KAZN: variants seen among roughly 807,000 people sequenced by gnomAD.
KAZN encodes kazrin, periplakin interacting protein.
A neutral mutation model predicts 87.4 loss-of-function variants in KAZN; 40 were observed. The ratio of observed to expected loss-of-function variants is 0.46; its 90% CI spans 0.36 to 0.60. The LOEUF is 0.60. Among genes scored for constraint, KAZN ranks in the 20% least tolerant of loss-of-function variants. The probability of loss-of-function intolerance (pLI) is 0.00; values close to 1 mark genes in which losing one functional copy is unlikely to be tolerated. For missense variants in KAZN, 898 were observed against 1,073.9 expected (o/e 0.84, Z 2.29); for synonymous variants, 466 against 458.3 (o/e 1.02, Z -0.22).
intron 1 of KAZN, among the ~76,000 whole-genome samples, chr1:14,146,964 C>G (rs1645367409): frequency 6.6e-6 from 1 of 152,074 alleles, no homozygotes; most frequent in African/African-American, 2.4e-5. Flanking sequence ...AACCTCTCCC[C>G]TTCTTTCTCA....
intron 2 of KAZN, among the ~76,000 whole-genome samples, chr1:14,515,355 A>G (rs1217268809): frequency 6.6e-6 from 1 of 152,188 alleles, no homozygotes; most frequent in Non-Finnish European, 1.5e-5. Flanking sequence ...TGTAGGAAAC[A>G]ATCACTGAAT....
chr1:14,535,177 A>G (rs1672415228), intron 2 of KAZN, among the ~76,000 whole-genome samples: 1 of 152,172 alleles, frequency 6.6e-6, no homozygotes, highest in Non-Finnish European at 1.5e-5. Context: ...TGACCTCTTC[A>G]GTATTTCTCT....
At chr1:14,040,337 A>G (rs1641765517) in intron 1 of KAZN, among the ~76,000 whole-genome samples, 1 of 152,156 alleles carries the variant, frequency 6.6e-6, no homozygotes, top group African/African-American at 2.4e-5. Flanking sequence ...AGGAGTCAGT[A>G]TGGGAGCCTT....
rs375384634 is a variant in KAZN, at chr1:14,095,107, C to T, written c.92-85328C>T. ...ACTGTGCAGGATGAATGTTTAGCATCCCTGCCTCTCTGGCCCTGGGTGTGT... is the reference window on the plus strand; with the variant it reads ...ACTGTGCAGGATGAATGTTTAGCATTCCTGCCTCTCTGGCCCTGGGTGTGT... On this transcript the variant is annotated intron_variant, in intron 1 of 16. Coordinates refer to the KAZN transcript ENST00000636203. Among the ~76,000 whole-genome samples the T allele has an allele frequency of 3.3e-5, 5 of 152,302 alleles. No individual in the cohort carries two copies. The East Asian group carries it at 9.7e-4, about 29-fold the overall frequency.
At chr1:14,546,205 CA>C (rs1336010189) in intron 2 of KAZN, among the ~76,000 whole-genome samples, 1 of 152,184 alleles carries the variant, frequency 6.6e-6, no homozygotes, top group East Asian at 1.9e-4. Context: ...TTATTCTTTC[CA>C]ACTACGATAT....
intron 1 of KAZN, among the ~76,000 whole-genome samples, chr1:14,607,263 C>A (rs188245540): frequency 1.2e-4 from 19 of 152,306 alleles, no homozygotes; most frequent in African/African-American, 3.4e-4. Flanking sequence ...ATCCTTTAAA[C>A]CACCTTATGA....
intron 1 of KAZN, among the ~76,000 whole-genome samples, chr1:14,834,774 T>A (rs1212557299): frequency 1.3e-5 from 2 of 152,164 alleles, no homozygotes; most frequent in African/African-American, 4.8e-5. Flanking sequence ...CAGTCAAAAA[T>A]TCCTACCCTG....
rs1641978149 is a variant in KAZN, at chr1:14,702,367, G to GTGTGTGTGTGTGTGTGTGT, written c.226+103144_226+103145insTGTGTGTGTGTGTGTGTGT. ...GTGTGTGTGTGTGTGTGTGTGTGTG[G>GTGTGTGTGTGTGTGTGTGT]ATTTCTCTGTGAAGAGGGTTTGTGG... On this transcript the variant is annotated intron_variant, in intron 1 of 14. Coordinates refer to ENST00000376030, the MANE Select transcript of KAZN (RefSeq NM_201628.3). 7.6e-5 allele frequency among the ~76,000 whole-genome samples: 4 copies of GTGTGTGTGTGTGTGTGTGT among 52,728 alleles called. No individual in the cohort carries two copies. In the South Asian group the frequency reaches 2.0e-3, roughly 26 times the overall value. 34.6% of individuals were successfully genotyped at this position (52,728 alleles called of 152,430 possible).
intron 1 of KAZN, among the ~76,000 whole-genome samples, chr1:14,753,635 C>A (rs763021814): frequency 1.3e-5 from 2 of 152,122 alleles, no homozygotes; most frequent in Non-Finnish European, 2.9e-5. Context: ...AGATCACAAT[C>A]ATTACCAATT....
At chr1:14,764,358 A>G (rs1430040474) in intron 1 of KAZN, among the ~76,000 whole-genome samples, 1 of 148,740 alleles carries the variant, frequency 6.7e-6, no homozygotes, top group African/African-American at 2.5e-5. Context: ...ATTTAAAATT[A>G]CAAACCACTC....
At chr1:13,956,075 A>G (rs1641535716) in intron 1 of KAZN, among the ~76,000 whole-genome samples, 1 of 152,232 alleles carries the variant, frequency 6.6e-6, no homozygotes, top group Middle Eastern at 3.2e-3. Context: ...GGGTGCATTA[A>G]TTAATCCCAA....
At chr1:14,362,376 T>C (rs923004897) in intron 2 of KAZN, among the ~76,000 whole-genome samples, 2 of 152,252 alleles carry the variant, frequency 1.3e-5, no homozygotes, top group East Asian at 3.8e-4. Flanking sequence ...CAACTTGCTT[T>C]TTCAAAGCCA....
At chr1:14,020,156 G>A (rs141149739) in intron 1 of KAZN, among the ~76,000 whole-genome samples, 1,745 of 152,230 alleles carry the variant, frequency 0.011, 13 homozygotes, top group Middle Eastern at 0.02. Context: ...ACCTAATGCT[G>A]CCACTGATCT....
At chr1:14,389,627 T>C (rs1266647267) in intron 2 of KAZN, among the ~76,000 whole-genome samples, 5 of 152,136 alleles carry the variant, frequency 3.3e-5, no homozygotes, top group Non-Finnish European at 7.3e-5. Flanking sequence ...ATATTCTCAC[T>C]TACTTATGGG....
At chr1:14,154,334 T>G (rs1187900142) in intron 1 of KAZN, among the ~76,000 whole-genome samples, 1 of 152,232 alleles carries the variant, frequency 6.6e-6, no homozygotes, top group Non-Finnish European at 1.5e-5. Flanking sequence ...ACTGATTTTG[T>G]ATGTTTATTT....
intron 1 of KAZN, among the ~76,000 whole-genome samples, chr1:14,946,992 G>T (rs1222440285): frequency 1.3e-5 from 2 of 152,190 alleles, no homozygotes; most frequent in African/African-American, 4.8e-5. Flanking sequence ...CCTGCTCTGT[G>T]AGGTGTGGGG....
At chr1:14,076,444 C>T (rs1643465222) in intron 1 of KAZN, among the ~76,000 whole-genome samples, 1 of 152,112 alleles carries the variant, frequency 6.6e-6, no homozygotes, top group African/African-American at 2.4e-5. Flanking sequence ...ACAGATTCTC[C>T]ATCACATCTC....
intron 4 of KAZN, among the ~76,000 whole-genome samples, chr1:15,047,028 T>C (rs1337986539): frequency 2.6e-5 from 4 of 152,226 alleles, no homozygotes; most frequent in African/African-American, 9.6e-5. Flanking sequence ...ACTCAGCCTG[T>C]TTCCGCTCTG....
intron 1 of KAZN, among the ~76,000 whole-genome samples, chr1:13,981,385 A>T (rs1193914707): frequency 1.3e-5 from 2 of 151,420 alleles, no homozygotes; most frequent in Non-Finnish European, 2.9e-5. Flanking sequence ...TTGATATTTT[A>T]ATATTACAGT....
Sources: allele counts gnomAD v4.1 joint callset (sites outside exome capture counted in the v4.1 genomes callset), GRCh38; gene constraint gnomAD v4.1.1; transcripts MANE v1.5; gene names NCBI Gene and HGNC (gene_info 2026-07-23, HGNC 2026-07-21).